The following TAGLN3 variants were observed in gnomAD, a reference collection of about 807,000 sequenced individuals.
TAGLN3 encodes transgelin-3.
In TAGLN3, 12 loss-of-function variants were observed where a neutral mutation model predicts 25.4. That is an observed-to-expected ratio of 0.47 (90% CI 0.30 to 0.77). The LOEUF is 0.77. TAGLN3 is among the 30% of genes least tolerant of loss of function. The pLI is 0.06. For missense variants in TAGLN3, 218 were observed against 255.8 expected, an observed-to-expected ratio of 0.85 and a Z score of 1.01; for synonymous variants, 96 against 94.8, an observed-to-expected ratio of 1.01 and a Z score of -0.08.
chr3:112,012,254 C>CCCTTCCTTCCTT (rs71131995), intron 4 of TAGLN3, among the ~76,000 whole-genome samples: 59 of 74,090 alleles, frequency 8.0e-4, no homozygotes, highest in South Asian at 5.5e-3. Context: ...CTCCCTCCCT[C>CCCTTCCTTCCTT]CCTTCCTTCC....
At chr3:112,010,981 T>C (rs2072969537) in intron 3 of TAGLN3, among the ~76,000 whole-genome samples, 1 of 152,228 alleles carries the variant, frequency 6.6e-6, no homozygotes, top group African/African-American at 2.4e-5. Context: ...ATATTTGCCC[T>C]TAACTTTCAC....
chr3:112,002,635 C>T (rs572320609), intron 3 of TAGLN3, among the ~76,000 whole-genome samples: 4 of 126,206 alleles, frequency 3.2e-5, no homozygotes, highest in East Asian at 2.6e-4. Flanking sequence ...GGAAGGGACC[C>T]GGGTGAGTCC....
intron 3 of TAGLN3, 117 bp downstream of exon 3, chr3:112,001,063 C>T (rs1051014074): frequency 5.6e-6 from 5 of 898,402 alleles, no homozygotes; most frequent in Non-Finnish European, 8.6e-6. Context: ...AAGATGCTCT[C>T]AGCTGTTATC....
chr3:112,013,480 C>G lies in TAGLN3; in HGVS notation c.529C>G (p.Gln177Glu). 1 of 1,614,190 alleles carries G rather than the reference C, an allele frequency of 6.2e-7. No homozygotes were observed. Among genetic ancestry groups the G allele is most frequent in the African/African-American group, 1.3e-5 (1 of 75,044 alleles). ...LRQGQNVIGLQMGSNKGASQA... is the reference protein window; with the variant it reads ...LRQGQNVIGLEMGSNKGASQA... ...CCAGGGACAGAACGTAATAGGCCTG[C>G]AGATGGGCAGCAACAAGGGAGCCTC... Residue 177 changes from glutamine to glutamate, a missense_variant, in exon 5 of 5, where the codon CAG becomes GAG. Transcript: ENST00000478951.
intron 2 of TAGLN3, 29 bp downstream of exon 2, chr3:111,999,631 G>A (rs376424785): frequency 5.0e-5 from 80 of 1,606,968 alleles, no homozygotes; most frequent in Non-Finnish European, 6.2e-5. Context: ...TCGGTTGCTG[G>A]GGCGGTGGGC....
At chr3:112,011,393 T>C (rs2072975668) in intron 3 of TAGLN3, among the ~76,000 whole-genome samples, 1 of 152,360 alleles carries the variant, frequency 6.6e-6, no homozygotes, top group South Asian at 2.1e-4. Context: ...TGTGTCACAT[T>C]GAGTGCTTTC....
In TAGLN3 at chr3:111,999,601, C is replaced by T; in HGVS notation, c.179C>T (p.Thr60Met). ...AHFQKWLMDG[T>M]VLCKLINSLY... ...TTTCAGAAATGGTTAATGGACGGGA[C>T]GGTAAGGCCGGCAGCGATCTCGGTT... The change falls in exon 2 of 5, where the codon ACG becomes ATG. Residue 60 changes from threonine to methionine, a missense_variant and splice_region_variant. By Grantham distance (81) the Thr-to-Met change is moderately conservative. Coordinates refer to ENST00000478951, the MANE Select transcript of TAGLN3 (RefSeq NM_001008272.2). 6.2e-7 allele frequency: 1 copy of T among 1,612,426 alleles called. No homozygotes were observed. The highest frequency in any genetic ancestry group is 1.1e-5 in the South Asian group (1 of 91,004).
chr3:112,002,683 G>A lies in TAGLN3; in HGVS notation c.355+1737G>A, dbSNP rs114793051. 6.2e-3 allele frequency among the ~76,000 whole-genome samples: 942 copies of A among 152,008 alleles called. 10 individuals carry two copies. The highest frequency in any genetic ancestry group is 0.022 in the African/African-American group (895 of 41,394). On this transcript the variant is annotated intron_variant, in intron 3 of 4. Coordinates refer to ENST00000478951, the MANE Select transcript of TAGLN3 (RefSeq NM_001008272.2). ...ACAAAGTGCAGGAAGTGTGTGGGAG[G>A]AGGAAGAAGCCAGGAGGTCTGTGGG...
At chr3:112,007,014 G>T (rs1381840308) in intron 3 of TAGLN3, among the ~76,000 whole-genome samples, 1 of 152,168 alleles carries the variant, frequency 6.6e-6, no homozygotes, top group Non-Finnish European at 1.5e-5. Context: ...TCAGTTGCTA[G>T]GTGAGACTCT....
At chr3:112,010,647 G>A (rs947738848) in intron 3 of TAGLN3, among the ~76,000 whole-genome samples, 3 of 152,024 alleles carry the variant, frequency 2.0e-5, no homozygotes, top group African/African-American at 7.3e-5. Context: ...TGAGTCTGGG[G>A]GACTATCCAT....
chr3:112,011,830 T>C lies in TAGLN3; in HGVS notation c.423T>C (p.Asp141=). Reference sequence around the variant, plus strand: ...GCAGCGTTGCAGTCACCAAGGATGATGGCTGCTATCGGGGAGAGCCATCCT... The same window carrying C: ...GCAGCGTTGCAGTCACCAAGGATGACGGCTGCTATCGGGGAGAGCCATCCT... ...ALGSVAVTKD[D]GCYRGEPSWF... Residue 141 remains aspartate (D), a synonymous_variant, in exon 4 of 5, where the codon GAT becomes GAC. Transcript: ENST00000478951. 1 of 1,614,022 alleles carries C rather than the reference T, an allele frequency of 6.2e-7. No individual in the cohort carries two copies. Among genetic ancestry groups the C allele is most frequent in the Non-Finnish European group, 8.5e-7 (1 of 1,179,930 alleles).
intron 3 of TAGLN3, among the ~76,000 whole-genome samples, chr3:112,005,107 C>A (rs948013987): frequency 4.6e-5 from 7 of 152,148 alleles, no homozygotes; most frequent in African/African-American, 1.4e-4. Flanking sequence ...GTTCAAATCT[C>A]TTTTGCTACA....
chr3:112,012,349 T>C (rs1378053712), intron 4 of TAGLN3, among the ~76,000 whole-genome samples: 1 of 150,504 alleles, frequency 6.6e-6, no homozygotes. Context: ...AAATATGTCA[T>C]GTTTGTTTGG....
chr3:112,007,474 C>G (rs2072930399), intron 3 of TAGLN3, among the ~76,000 whole-genome samples: 2 of 152,292 alleles, frequency 1.3e-5, no homozygotes, highest in South Asian at 4.1e-4. Flanking sequence ...TCTAGTATGT[C>G]ATAAAGTAGG....
intron 3 of TAGLN3, among the ~76,000 whole-genome samples, chr3:112,004,370 G>A (rs778905725): frequency 6.6e-6 from 1 of 151,790 alleles, no homozygotes. Context: ...GGAAGAAAAG[G>A]CAGAGCAAGA....
chr3:112,001,045 A>C (rs1248569910), intron 3 of TAGLN3, 99 bp downstream of exon 3: 2 of 1,090,976 alleles, frequency 1.8e-6, no homozygotes, highest in Admixed American at 1.9e-5. Context: ...GTGCCGATTG[A>C]TGTGTGTAAG....
intron 3 of TAGLN3, among the ~76,000 whole-genome samples, chr3:112,005,644 TG>T (rs2072907918): frequency 6.6e-6 from 1 of 151,994 alleles, no homozygotes; most frequent in Non-Finnish European, 1.5e-5. Context: ...GTAAAGTACC[TG>T]TAATGACTTG....
intron 3 of TAGLN3, among the ~76,000 whole-genome samples, chr3:112,003,781 A>G (rs1392987859): frequency 6.6e-6 from 1 of 151,690 alleles, no homozygotes; most frequent in African/African-American, 2.4e-5. Flanking sequence ...TCACTCTCCC[A>G]TCTCCCCTAC....
At chr3:112,004,564 T>C (rs1332541649) in intron 3 of TAGLN3, among the ~76,000 whole-genome samples, 2 of 152,184 alleles carry the variant, frequency 1.3e-5, no homozygotes, top group Non-Finnish European at 2.9e-5. Flanking sequence ...CTACCACTTA[T>C]CAATTAACTT....
Sources: gnomAD v4.1 joint callset for allele counts (sites outside exome capture counted in the v4.1 genomes callset) on GRCh38, gnomAD v4.1.1 for gene constraint, MANE v1.5 for transcripts, NCBI Gene and HGNC (gene_info 2026-07-23, HGNC 2026-07-21) for gene names.